HACE1: variants seen among roughly 807,000 people sequenced by gnomAD.
HACE1 encodes the protein E3 ubiquitin-protein ligase HACE1.
In HACE1, 73 loss-of-function variants were observed where a neutral mutation model predicts 118.4. The observed-to-expected ratio is 0.62, with a 90% CI of 0.51 to 0.75. The LOEUF (loss-of-function observed/expected upper bound fraction) is 0.75, where lower values mean the gene tolerates loss of function less well. HACE1 is among the 30% of genes least tolerant of loss of function. HACE1 has a pLI of 0.00. For missense variants in HACE1, 749 were observed against 1,102.2 expected, an observed-to-expected ratio of 0.68 and a Z score of 4.54; for synonymous variants, 368 against 374.8, an observed-to-expected ratio of 0.98 and a Z score of 0.21.
chr6:104,770,294 C>T (rs1178294081), intron 19 of HACE1, among the ~76,000 whole-genome samples: 1 of 152,040 alleles, frequency 6.6e-6, no homozygotes, highest in Non-Finnish European at 1.5e-5. Flanking sequence ...TTTCTAACTC[C>T]AAATACCTCA....
chr6:104,856,859 T>C (rs1776773635), intron 1 of HACE1, among the ~76,000 whole-genome samples: 1 of 152,174 alleles, frequency 6.6e-6, no homozygotes, highest in African/African-American at 2.4e-5. Flanking sequence ...CTGCACTCCA[T>C]TACTTAGGGT....
intron 19 of HACE1, among the ~76,000 whole-genome samples, chr6:104,770,292 TC>T (rs1164527333): frequency 6.6e-6 from 1 of 152,136 alleles, no homozygotes; most frequent in Non-Finnish European, 1.5e-5. Context: ...ATTTTCTAAC[TC>T]CAAATACCTC....
At chr6:104,802,232 A>G (rs921628288) in intron 7 of HACE1, among the ~76,000 whole-genome samples, 2 of 152,200 alleles carry the variant, frequency 1.3e-5, no homozygotes, top group African/African-American at 2.4e-5. Context: ...CCTTAGAGAC[A>G]TACAAAGAGA....
rs555844271 is a variant in HACE1 at position 104,851,028 on chromosome 6, TAA to T, written c.132-34_132-33del. On this transcript the variant is annotated intron_variant, in intron 2 of 23. Transcript: ENST00000262903. ...CAAAATAAAAATGAGGAATCAAGTG[TAA>T]AAAAAGTTTTTAAAAACATAATAAA... The T allele has an allele frequency of 4.5e-5, 58 of 1,294,214 alleles. 1 individual carries two copies. The South Asian group carries it at 6.4e-4, about 14-fold the overall frequency. The allele number at this position is 1,294,214 out of a possible 1,614,324, so 80.2% of individuals were successfully genotyped here.
intron 14 of HACE1, among the ~76,000 whole-genome samples, chr6:104,782,950 A>G (rs1781899800): frequency 6.6e-6 from 1 of 152,178 alleles, no homozygotes; most frequent in Non-Finnish European, 1.5e-5. Flanking sequence ...GAATTATGCC[A>G]TTCTCCTAAA....
chr6:104,769,584 G>GT (rs1780399544), intron 19 of HACE1, among the ~76,000 whole-genome samples: 1 of 152,270 alleles, frequency 6.6e-6, no homozygotes, highest in East Asian at 1.9e-4. Flanking sequence ...AAAATTAAGT[G>GT]TTTAACTATT....
intron 1 of HACE1, 177 bp downstream of exon 1, chr6:104,859,390 G>T: frequency 1.8e-6 from 1 of 545,148 alleles, no homozygotes. Context: ...TGCCGGGGTG[G>T]GAGCGTCGGG....
intron 6 of HACE1, among the ~76,000 whole-genome samples, chr6:104,830,760 T>TC (rs1192768118): frequency 2.8e-5 from 4 of 144,302 alleles, no homozygotes; most frequent in Non-Finnish European, 6.1e-5. Flanking sequence ...ATTACATTCT[T>TC]TTTTTTTTTT....
intron 22 of HACE1, among the ~76,000 whole-genome samples, chr6:104,741,078 G>T (rs1175600448): frequency 9.4e-6 from 1 of 106,594 alleles, no homozygotes; most frequent in African/African-American, 5.4e-5. Context: ...TATCTCAATA[G>T]ATGCAGAAAA....
At chr6:104,778,437 A>T (rs1033224454) in intron 14 of HACE1, among the ~76,000 whole-genome samples, 8 of 152,078 alleles carry the variant, frequency 5.3e-5, no homozygotes, top group African/African-American at 1.7e-4. Context: ...AGTCCTGGTC[A>T]TGGTAGCAAA....
rs1774950450 is a variant in HACE1 at position 104,729,246 on chromosome 6, C to T, written c.*416G>A. 1 of 181,242 alleles carries T rather than the reference C, an allele frequency of 5.5e-6. No individual in the cohort carries two copies. The highest frequency in any genetic ancestry group is 1.5e-4 in the East Asian group (1 of 6,612). The allele number at this position is 181,242 out of a possible 1,614,324, so 11.2% of individuals were successfully genotyped here. A position where few individuals can be genotyped will look rare whatever the true frequency, so the allele number is the denominator to read the frequency against. ...CAATAGTTTTCTAAAATATAAATGG[C>T]AGTTTACATGCAAAAGAACACACCA... On this transcript the variant is annotated 3_prime_UTR_variant, in exon 24 of 24. Transcript: ENST00000262903.
At chr6:104,818,921 A>G (rs1582629280) in intron 6 of HACE1, among the ~76,000 whole-genome samples, 1 of 152,336 alleles carries the variant, frequency 6.6e-6, no homozygotes, top group African/African-American at 2.4e-5. Flanking sequence ...TGACAAACTC[A>G]CAGCCAGTAT....
intron 22 of HACE1, among the ~76,000 whole-genome samples, chr6:104,737,637 G>A (rs1476368834): frequency 7.2e-5 from 11 of 152,168 alleles, no homozygotes; most frequent in East Asian, 1.9e-4. Flanking sequence ...AAAAAACGGC[G>A]CACCACGAGA....
chr6:104,793,223 C>T (rs914959401), intron 10 of HACE1, among the ~76,000 whole-genome samples: 1 of 148,524 alleles, frequency 6.7e-6, no homozygotes, highest in African/African-American at 2.5e-5. Flanking sequence ...GCCGAGATCG[C>T]GCCACTGCAC....
At chr6:104,820,829 A>C (rs1304162793) in intron 6 of HACE1, among the ~76,000 whole-genome samples, 1 of 152,230 alleles carries the variant, frequency 6.6e-6, no homozygotes, top group Non-Finnish European at 1.5e-5. Flanking sequence ...CAGCAATCCC[A>C]TTACTGGGTA....
At chr6:104,795,845 T>A (rs577131258) in intron 9 of HACE1, among the ~76,000 whole-genome samples, 160 bp from the exon 10 acceptor site, 2 of 152,150 alleles carry the variant, frequency 1.3e-5, no homozygotes, top group Non-Finnish European at 2.9e-5. Flanking sequence ...AGAGATATGA[T>A]GATACATAAT....
intron 19 of HACE1, among the ~76,000 whole-genome samples, chr6:104,759,525 G>C (rs1779096309): frequency 1.3e-5 from 2 of 152,170 alleles, no homozygotes; most frequent in South Asian, 4.1e-4. Flanking sequence ...CAACGTACCA[G>C]AATCTCTGGG....
At chr6:104,848,387 T>TA (rs1156416480) in intron 4 of HACE1, among the ~76,000 whole-genome samples, 1 of 147,930 alleles carries the variant, frequency 6.8e-6, no homozygotes, top group Non-Finnish European at 1.5e-5. Flanking sequence ...ACTCGGGAGA[T>TA]AGAGGTTGCA....
At chr6:104,765,390 T>C (rs897938962) in intron 19 of HACE1, among the ~76,000 whole-genome samples, 4 of 152,236 alleles carry the variant, frequency 2.6e-5, no homozygotes, top group Admixed American at 1.3e-4. Flanking sequence ...AGGACATCCC[T>C]GCACATTTAT....
Sources: gnomAD v4.1 joint callset for allele counts (sites outside exome capture counted in the v4.1 genomes callset) on GRCh38, gnomAD v4.1.1 for gene constraint, MANE v1.5 for transcripts, NCBI Gene and HGNC (gene_info 2026-07-23, HGNC 2026-07-21) for gene names.